SLC27A6: variants seen among roughly 807,000 people sequenced by gnomAD.
The protein encoded by SLC27A6 is long-chain fatty acid transport protein 6.
In SLC27A6, 74 loss-of-function variants were observed where a neutral mutation model predicts 63.9. The ratio of observed to expected loss-of-function variants is 1.16; its 90% CI spans 0.96 to 1.40. SLC27A6 has a LOEUF of 1.40. Among genes scored for constraint, SLC27A6 ranks in the 40% most tolerant of loss-of-function variants. The probability of loss-of-function intolerance (pLI) is 0.00; values close to 1 mark genes in which losing one functional copy is unlikely to be tolerated. For synonymous variants in SLC27A6, 287 were observed against 260.8 expected (o/e 1.10, Z -0.97); for missense variants, 794 against 732.9 (o/e 1.08, Z -0.96).
rs1554099126 is a variant in SLC27A6 at position 129,023,601 on chromosome 5, T to A, written c.1165-19T>A. ...TAACTAAATGCTTGTTTCTATTTGT[T>A]TGATTTTTTTTTTTGCAGCTTCTTT... On this transcript the variant is annotated intron_variant, in intron 5 of 9. Coordinates refer to ENST00000262462, the MANE Select transcript of SLC27A6 (RefSeq NM_001017372.3). The A allele has an allele frequency of 6.5e-7, 1 of 1,547,192 alleles. No homozygotes were observed. Among genetic ancestry groups the A allele is most frequent in the South Asian group, 1.2e-5 (1 of 85,978 alleles).
chr5:128,998,390 T>G (rs1751229473), intron 4 of SLC27A6, among the ~76,000 whole-genome samples: 1 of 152,148 alleles, frequency 6.6e-6, no homozygotes, highest in South Asian at 2.1e-4. Flanking sequence ...TTGTAGAATG[T>G]ATTTATAAAA....
chr5:128,968,981 T>C (rs891122304), intron 1 of SLC27A6, among the ~76,000 whole-genome samples: 2 of 152,248 alleles, frequency 1.3e-5, no homozygotes, highest in South Asian at 4.1e-4. Context: ...TTTCTACATA[T>C]GGCTAGCCAG....
intron 4 of SLC27A6, among the ~76,000 whole-genome samples, chr5:129,004,054 C>T (rs1751439720): frequency 6.6e-6 from 1 of 151,494 alleles, no homozygotes; most frequent in Non-Finnish European, 1.5e-5. Flanking sequence ...ACGTGTCTGA[C>T]CTCTAGTCAA....
rs1237641290 is a variant in SLC27A6, at chr5:129,027,299, T to C, written c.1422T>C (p.Leu474=). Residue 474 remains leucine (L), a synonymous_variant, in exon 7 of 10, where the codon CTT becomes CTC. Coordinates refer to ENST00000262462, the MANE Select transcript of SLC27A6 (RefSeq NM_001017372.3). The stretch of plus-strand genomic sequence containing the variant: ...TAGTCCAGGATCAGGACAATTTCCT[T>C]TATTTTTGGGACCGTACTGGAGACA... ...DLIVQDQDNF[L]YFWDRTGDTF... 2 of 1,612,932 alleles carry C rather than the reference T, an allele frequency of 1.2e-6. No individual in the cohort carries two copies. Among genetic ancestry groups the C allele is most frequent in the Non-Finnish European group, 1.7e-6 (2 of 1,179,152 alleles).
chr5:129,000,517 G>C (rs1234199564), intron 4 of SLC27A6, among the ~76,000 whole-genome samples: 2 of 152,170 alleles, frequency 1.3e-5, no homozygotes, highest in Non-Finnish European at 2.9e-5. Context: ...AAATTCTACA[G>C]AACGTTGGTG....
chr5:129,026,908 C>A (rs1752262770), intron 6 of SLC27A6, among the ~76,000 whole-genome samples: 1 of 152,022 alleles, frequency 6.6e-6, no homozygotes, highest in South Asian at 2.1e-4. Flanking sequence ...ATTCAATTCC[C>A]TTTTTATTAG....
chr5:129,000,736 C>T (rs1049458290), intron 4 of SLC27A6, among the ~76,000 whole-genome samples: 11 of 152,108 alleles, frequency 7.2e-5, no homozygotes, highest in Non-Finnish European at 1.3e-4. Flanking sequence ...AAAAATCAAC[C>T]TCCCTTCACA....
Position 129,020,768 on chromosome 5 carries a change from A to G in SLC27A6, c.1165-2852A>G, listed in dbSNP as rs376386386. Among the ~76,000 whole-genome samples the G allele has an allele frequency of 1.3e-4, 20 of 152,178 alleles. 1 individual carries two copies. The highest frequency in any genetic ancestry group is 4.8e-4 in the African/African-American group (20 of 41,510). ...TTCTGACACAATTTCAGGAGTCCCA[A>G]AGACCACTCTCAGGTTTGATAATTT... On this transcript the variant is annotated intron_variant, in intron 5 of 9. Transcript: ENST00000262462.
At chr5:129,000,386 A>G (rs1375802800) in intron 4 of SLC27A6, among the ~76,000 whole-genome samples, 1 of 152,172 alleles carries the variant, frequency 6.6e-6, no homozygotes, top group African/African-American at 2.4e-5. Context: ...TAGATCCTCA[A>G]CAAAATTTGT....
At chr5:129,026,292 C>CCTCT (rs1752243010) in intron 6 of SLC27A6, among the ~76,000 whole-genome samples, 1 of 152,106 alleles carries the variant, frequency 6.6e-6, no homozygotes, top group Non-Finnish European at 1.5e-5. Flanking sequence ...TGTCCTTTGT[C>CCTCT]CTCTCGTCTT....
chr5:129,008,137 T>C (rs1416079134), intron 4 of SLC27A6, among the ~76,000 whole-genome samples: 3 of 152,164 alleles, frequency 2.0e-5, no homozygotes, highest in African/African-American at 7.2e-5. Context: ...TCAAAAGAAA[T>C]ACACATTTTC....
At chr5:128,973,313 A>T (rs971679322) in intron 1 of SLC27A6, among the ~76,000 whole-genome samples, 1 of 152,170 alleles carries the variant, frequency 6.6e-6, no homozygotes, top group Non-Finnish European at 1.5e-5. Flanking sequence ...GAGCTGTCAG[A>T]TGGGGACGTT....
chr5:129,025,638 C>T (rs1752215566), intron 6 of SLC27A6, among the ~76,000 whole-genome samples: 1 of 151,906 alleles, frequency 6.6e-6, no homozygotes, highest in Admixed American at 6.6e-5. Flanking sequence ...GCAAAAAGTG[C>T]TCAATAGGTA....
At chr5:128,978,067 T>C (rs564016146) in intron 1 of SLC27A6, among the ~76,000 whole-genome samples, 73 of 152,358 alleles carry the variant, frequency 4.8e-4, no homozygotes, top group African/African-American at 1.7e-3. Context: ...TGATATATGT[T>C]CTAATCCAAA....
chr5:128,991,883 C>A (rs930160156), intron 4 of SLC27A6, among the ~76,000 whole-genome samples: 3 of 151,816 alleles, frequency 2.0e-5, no homozygotes, highest in Non-Finnish European at 4.4e-5. Flanking sequence ...TTTTTTTGCC[C>A]TCAGAAGTTA....
At chr5:128,995,326 A>G (rs2150139049) in intron 4 of SLC27A6, among the ~76,000 whole-genome samples, 1 of 152,262 alleles carries the variant, frequency 6.6e-6, no homozygotes, top group East Asian at 1.9e-4. Flanking sequence ...TCATTTCCTC[A>G]TTCATTCATT....
intron 9 of SLC27A6, among the ~76,000 whole-genome samples, chr5:129,032,718 G>T (rs1405113835): frequency 6.6e-6 from 1 of 151,916 alleles, no homozygotes; most frequent in Non-Finnish European, 1.5e-5. Flanking sequence ...TTTTATGATA[G>T]ATTTGTGTGT....
At chr5:129,026,542 T>C (rs1752251515) in intron 6 of SLC27A6, among the ~76,000 whole-genome samples, 1 of 152,136 alleles carries the variant, frequency 6.6e-6, no homozygotes, top group South Asian at 2.1e-4. Context: ...GAGATAGTAT[T>C]ATACAGAAAC....
chr5:128,990,934 C>T (rs1399446882), intron 4 of SLC27A6, among the ~76,000 whole-genome samples: 1 of 152,314 alleles, frequency 6.6e-6, no homozygotes, highest in East Asian at 1.9e-4. Context: ...AGCAGCGGGT[C>T]TGCGATGGCG....
Sources: allele counts gnomAD v4.1 joint callset (sites outside exome capture counted in the v4.1 genomes callset), GRCh38; gene constraint gnomAD v4.1.1; transcripts MANE v1.5; gene names NCBI Gene and HGNC (gene_info 2026-07-23, HGNC 2026-07-21).